LDLRAD4: variants seen among roughly 807,000 people sequenced by gnomAD.
The protein encoded by LDLRAD4 is low density lipoprotein receptor class A domain containing 4.
Under a neutral mutation model 17.0 loss-of-function variants are expected in LDLRAD4, and 5 were observed. The ratio of observed to expected loss-of-function variants is 0.29; its 90% CI spans 0.15 to 0.62. LDLRAD4 has a LOEUF of 0.62. LDLRAD4 is among the 20% of genes least tolerant of loss of function. The probability of loss-of-function intolerance (pLI) is 0.84; values close to 1 mark genes in which losing one functional copy is unlikely to be tolerated. For synonymous variants in LDLRAD4, 168 were observed against 171.8 expected, an observed-to-expected ratio of 0.98 and a Z score of 0.17; for missense variants, 340 against 424.7, an observed-to-expected ratio of 0.80 and a Z score of 1.75.
At chr18:13,222,219 G>C (rs924320961) in intron 1 of LDLRAD4, among the ~76,000 whole-genome samples, 1 of 151,898 alleles carries the variant, frequency 6.6e-6, no homozygotes, top group African/African-American at 2.4e-5. Flanking sequence ...CATTTACTTG[G>C]CATCGGAAAA....
intron 1 of LDLRAD4, among the ~76,000 whole-genome samples, chr18:13,270,650 G>A (rs1033567016): frequency 2.0e-5 from 3 of 152,220 alleles, no homozygotes; most frequent in Non-Finnish European, 2.9e-5. Context: ...AGAGCGGAAT[G>A]CAGTTAGCTG....
intron 3 of LDLRAD4, among the ~76,000 whole-genome samples, chr18:13,597,581 G>GTGTT (rs918479530): frequency 2.0e-5 from 3 of 151,144 alleles, no homozygotes; most frequent in African/African-American, 7.3e-5. Context: ...ATGATGTCTT[G>GTGTT]TGTTTTTTAT....
In LDLRAD4 at chr18:13,330,664, A is replaced by G. The variant is rs1599462352; in HGVS notation, c.-383+52476A>G. Among the ~76,000 whole-genome samples the G allele has an allele frequency of 2.6e-5, 4 of 152,212 alleles. No homozygotes were observed. The East Asian group carries it at 7.7e-4, about 29-fold the overall frequency. ...CCCCTTTTCCTGACATACAACTCTA[A>G]AAATCCTTAGAATCTCCACAGTGAT... On this transcript the variant is annotated intron_variant, in intron 1 of 5. Transcript: ENST00000359446.
chr18:13,323,200 C>G (rs1229964062), intron 1 of LDLRAD4, among the ~76,000 whole-genome samples: 5 of 152,248 alleles, frequency 3.3e-5, no homozygotes, highest in Non-Finnish European at 7.3e-5. Flanking sequence ...TTATCCATTT[C>G]ACTTTTCTGC....
intron 1 of LDLRAD4, among the ~76,000 whole-genome samples, chr18:13,289,996 T>C (rs969471766): frequency 1.3e-5 from 2 of 152,172 alleles, no homozygotes; most frequent in African/African-American, 4.8e-5. Flanking sequence ...CCATACCCTG[T>C]TGGGGAGTTT....
At chr18:13,273,924 C>T (rs2044706708), upstream of LDLRAD4, among the ~76,000 whole-genome samples, 4 of 152,040 alleles carry the variant, frequency 2.6e-5, no homozygotes, top group South Asian at 2.1e-4. Context: ...GTGTCTGGGA[C>T]GTGTCATTCA....
At chr18:13,242,476 A>G (rs991130630) in intron 1 of LDLRAD4, among the ~76,000 whole-genome samples, 6 of 152,186 alleles carry the variant, frequency 3.9e-5, no homozygotes, top group Non-Finnish European at 7.3e-5. Context: ...TGGAAAAACC[A>G]CTTTCACACA....
At chr18:13,587,383 C>G (rs1206152819) in intron 3 of LDLRAD4, among the ~76,000 whole-genome samples, 1 of 152,208 alleles carries the variant, frequency 6.6e-6, no homozygotes, top group Non-Finnish European at 1.5e-5. Flanking sequence ...GTGCTAGAAG[C>G]AGGGAATCCC....
intron 3 of LDLRAD4, among the ~76,000 whole-genome samples, chr18:13,449,008 T>G (rs1325848961): frequency 6.6e-6 from 1 of 152,182 alleles, no homozygotes; most frequent in Admixed American, 6.5e-5. Flanking sequence ...CACTCCTTCA[T>G]CCATTCTTGT....
chr18:13,243,004 T>A (rs763614115), intron 1 of LDLRAD4, among the ~76,000 whole-genome samples: 1 of 152,292 alleles, frequency 6.6e-6, no homozygotes, highest in Non-Finnish European at 1.5e-5. Context: ...TGGCGCCTGC[T>A]CTGCCCCTGT....
chr18:13,529,043 G>C (rs1381126868), intron 3 of LDLRAD4, among the ~76,000 whole-genome samples: 3 of 152,230 alleles, frequency 2.0e-5, no homozygotes, highest in African/African-American at 7.2e-5. Flanking sequence ...ACTGATGTCA[G>C]AATGATGGGA....
chr18:13,599,342 A>G (rs2095132663), intron 3 of LDLRAD4, among the ~76,000 whole-genome samples: 1 of 152,166 alleles, frequency 6.6e-6, no homozygotes, highest in Non-Finnish European at 1.5e-5. Context: ...TTGAAACAAG[A>G]TATTTATTAA....
At chr18:13,614,194 A>G (rs1443536206) in intron 3 of LDLRAD4, 2 of 152,254 alleles carry the variant, frequency 1.3e-5, no homozygotes, top group African/African-American at 2.4e-5. Flanking sequence ...TGTGCCAGGC[A>G]CACACTACCT....
chr18:13,550,120 T>C (rs1436914187), intron 3 of LDLRAD4, among the ~76,000 whole-genome samples: 1 of 152,236 alleles, frequency 6.6e-6, no homozygotes, highest in Non-Finnish European at 1.5e-5. Context: ...ATGGGCTTAC[T>C]ATCTACTTAA....
chr18:13,559,917 A>C lies in LDLRAD4; in HGVS notation c.182-61200A>C, dbSNP rs534061646. Among the ~76,000 whole-genome samples, 9 of 151,996 alleles carry C rather than the reference A, an allele frequency of 5.9e-5. No homozygotes were observed. In the South Asian group the frequency reaches 1.9e-3, roughly 32 times the overall value. ...GACAGCACTTTGCTGCCCCTGACCA[A>C]GAAGTGCCTATCTTCAAACCAAGAT... On this transcript the variant is annotated intron_variant, in intron 3 of 5. Coordinates refer to ENST00000359446, the Ensembl canonical transcript of LDLRAD4.
intron 1 of LDLRAD4, among the ~76,000 whole-genome samples, chr18:13,320,648 G>A (rs903208493): frequency 2.0e-5 from 3 of 152,158 alleles, no homozygotes; most frequent in Non-Finnish European, 2.9e-5. Context: ...GTCCTGTGAC[G>A]GTGAGGAAGG....
intron 1 of LDLRAD4, among the ~76,000 whole-genome samples, chr18:13,234,311 G>T (rs1351191963): frequency 6.6e-6 from 1 of 152,210 alleles, no homozygotes; most frequent in Non-Finnish European, 1.5e-5. Context: ...AACTCTCCCT[G>T]GGTGCGCACA....
intron 1 of LDLRAD4, among the ~76,000 whole-genome samples, chr18:13,380,956 A>G (rs2085312062): frequency 6.8e-6 from 1 of 147,786 alleles, no homozygotes; most frequent in African/African-American, 2.6e-5. Flanking sequence ...AATTCATCAC[A>G]CTCCAACTCA....
chr18:13,565,964 TCCA>T (rs2094595883), intron 3 of LDLRAD4, among the ~76,000 whole-genome samples: 1 of 152,188 alleles, frequency 6.6e-6, no homozygotes, highest in African/African-American at 2.4e-5. Flanking sequence ...GAGCTGCTGC[TCCA>T]AGGCACGCCA....
Sources: allele counts gnomAD v4.1 joint callset (sites outside exome capture counted in the v4.1 genomes callset), GRCh38; gene constraint gnomAD v4.1.1; transcripts MANE v1.5; gene names NCBI Gene and HGNC (gene_info 2026-07-23, HGNC 2026-07-21).